The following PDE8A variants were observed in gnomAD, a reference collection of about 807,000 sequenced individuals.
PDE8A encodes high affinity cAMP-specific and IBMX-insensitive 3',5'-cyclic phosphodiesterase 8A.
A neutral mutation model predicts 105.0 loss-of-function variants in PDE8A; 59 were observed. That is an observed-to-expected ratio of 0.56 (90% confidence interval 0.46 to 0.70). The LOEUF (loss-of-function observed/expected upper bound fraction) is 0.70, where lower values mean the gene tolerates loss of function less well. PDE8A is among the 30% of genes least tolerant of loss of function. The probability of loss-of-function intolerance (pLI) is 0.00; values close to 1 mark genes in which losing one functional copy is unlikely to be tolerated. For missense variants in PDE8A, 1,014 were observed against 1,045.9 expected (o/e 0.97, Z 0.42); for synonymous variants, 355 against 371.9 (o/e 0.95, Z 0.52).
intron 1 of PDE8A, among the ~76,000 whole-genome samples, chr15:85,040,155 AAAAG>A (rs1157133910): frequency 2.0e-5 from 3 of 152,146 alleles, no homozygotes; most frequent in East Asian, 1.9e-4. Context: ...AAAAAAAAGA[AAAAG>A]AAGCTGAGTG....
At chr15:85,113,595 G>A in intron 13 of PDE8A, 148 bp downstream of exon 13, 1 of 745,898 alleles carries the variant, frequency 1.3e-6, no homozygotes, top group Non-Finnish European at 2.4e-6. Flanking sequence ...GAAGAGAGAG[G>A]ATGTGTGACA....
intron 1 of PDE8A, among the ~76,000 whole-genome samples, chr15:85,011,116 C>T (rs2080232350): frequency 6.6e-6 from 1 of 152,066 alleles, no homozygotes; most frequent in African/African-American, 2.4e-5. Context: ...TCATAAATAT[C>T]CTCTATGTTG....
Position 85,013,909 on chromosome 15 carries a change from A to G in PDE8A, c.186+31561A>G, listed in dbSNP as rs1436318891. Among the ~76,000 whole-genome samples, 3 of 152,240 alleles carry G rather than the reference A, an allele frequency of 2.0e-5. No individual in the cohort carries two copies. In the East Asian group the frequency reaches 5.8e-4, roughly 29 times the overall value. On this transcript the variant is annotated intron_variant, in intron 1 of 21. Transcript: ENST00000394553. ...TTGAGGAAAGGCCCAATTCCTCTCC[A>G]TGTGTGTCAGCTTCACAGGGCTGCT...
intron 1 of PDE8A, among the ~76,000 whole-genome samples, chr15:85,026,864 G>T (rs1244763889): frequency 1.3e-5 from 2 of 152,164 alleles, no homozygotes; most frequent in Non-Finnish European, 2.9e-5. Context: ...AAAAGGCATT[G>T]TGAAACTTGT....
chr15:84,993,471 A>G (rs2079924490), intron 1 of PDE8A, among the ~76,000 whole-genome samples: 1 of 150,620 alleles, frequency 6.6e-6, no homozygotes, highest in Non-Finnish European at 1.5e-5. Context: ...AAAAAGAACA[A>G]GGATCACTTA....
intron 13 of PDE8A, 67 bp from the exon 14 acceptor site, chr15:85,113,806 T>C (rs1419762536): frequency 8.1e-7 from 1 of 1,233,228 alleles, no homozygotes; most frequent in Non-Finnish European, 1.2e-6. Context: ...AGACACGTAC[T>C]GCCATGCCTG....
intron 1 of PDE8A, among the ~76,000 whole-genome samples, chr15:85,029,227 T>C (rs1250614264): frequency 6.6e-6 from 1 of 152,180 alleles, no homozygotes; most frequent in Admixed American, 6.5e-5. Flanking sequence ...ATGTTAACCG[T>C]AGGTAGTAGG....
chr15:85,011,307 G>A (rs1194935843), intron 1 of PDE8A, among the ~76,000 whole-genome samples: 1 of 152,104 alleles, frequency 6.6e-6, no homozygotes, highest in Non-Finnish European at 1.5e-5. Flanking sequence ...TTTTTGTAGG[G>A]TTTTTTTCTT....
rs191016573 is a variant in PDE8A at position 85,036,120 on chromosome 15, T to C, written c.187-28250T>C. Among the ~76,000 whole-genome samples, 8 of 152,262 alleles carry C rather than the reference T, an allele frequency of 5.3e-5. No individual in the cohort carries two copies. In the Middle Eastern group the frequency reaches 0.017, roughly 324 times the overall value. The stretch of plus-strand genomic sequence containing the variant: ...TCACCCTTGGCAATTTGATAGAAAA[T>C]GGGAAGACTTAACTGCCTTCCTCAT... On this transcript the variant is annotated intron_variant, in intron 1 of 21. Coordinates refer to ENST00000394553, the MANE Select transcript of PDE8A (RefSeq NM_002605.3).
chr15:85,131,147 C>A (rs1237893156), intron 20 of PDE8A, among the ~76,000 whole-genome samples: 4 of 152,178 alleles, frequency 2.6e-5, no homozygotes, highest in African/African-American at 9.7e-5. Flanking sequence ...ATATCTTTTT[C>A]CATCCTTTCA....
chr15:85,117,832 G>C lies in PDE8A; in HGVS notation c.1727G>C (p.Arg576Thr), dbSNP rs771862210. ...HATAYFLSKE[R>T]IKETLDPIDE... Reference sequence around the variant, plus strand: ...ACTGCCTATTTTCTCTCCAAGGAGAGGATAAAGGTGAGCTGTTGTTTACCT... The same window carrying C: ...ACTGCCTATTTTCTCTCCAAGGAGACGATAAAGGTGAGCTGTTGTTTACCT... The change falls in exon 17 of 22, where the codon AGG becomes ACG. Residue 576 changes from arginine (R) to threonine (T), a missense_variant. Transcript: ENST00000394553. The C allele has an allele frequency of 6.2e-7, 1 of 1,612,910 alleles. No homozygotes were observed. The highest frequency in any genetic ancestry group is 8.5e-7 in the Non-Finnish European group (1 of 1,179,058).
intron 1 of PDE8A, among the ~76,000 whole-genome samples, chr15:85,025,526 A>G (rs1381436521): frequency 6.6e-6 from 1 of 152,140 alleles, no homozygotes; most frequent in East Asian, 1.9e-4. Context: ...ATTACACTTA[A>G]ATTCTCTGGG....
chr15:85,061,016 A>ATTTTGT (rs999968366), intron 1 of PDE8A, among the ~76,000 whole-genome samples: 7 of 151,374 alleles, frequency 4.6e-5, no homozygotes, highest in Non-Finnish European at 7.4e-5. Flanking sequence ...GGTTTGTTTT[A>ATTTTGT]TTTTGTTTTT....
intron 1 of PDE8A, among the ~76,000 whole-genome samples, chr15:85,032,257 G>A (rs918470211): frequency 6.6e-6 from 1 of 152,196 alleles, no homozygotes; most frequent in Non-Finnish European, 1.5e-5. Context: ...ACCTCTAGAT[G>A]TAAAGGAGCA....
intron 11 of PDE8A, among the ~76,000 whole-genome samples, chr15:85,104,612 A>G (rs550676302): frequency 9.2e-5 from 14 of 152,276 alleles, no homozygotes; most frequent in Admixed American, 6.5e-4. Flanking sequence ...TGGGATAAAG[A>G]GAAGACTTCA....
chr15:85,004,587 C>T (rs954155146), intron 1 of PDE8A, among the ~76,000 whole-genome samples: 2 of 152,174 alleles, frequency 1.3e-5, no homozygotes, highest in Non-Finnish European at 2.9e-5. Flanking sequence ...TCCACTCTAT[C>T]GCCTAATACT....
At chr15:85,076,453 T>G (rs1567268311) in intron 4 of PDE8A, among the ~76,000 whole-genome samples, 1 of 151,834 alleles carries the variant, frequency 6.6e-6, no homozygotes, top group Non-Finnish European at 1.5e-5. Context: ...TAGTTTAAAT[T>G]AAAAATTTTA....
At chr15:85,007,015 A>G (rs375654258) in intron 1 of PDE8A, among the ~76,000 whole-genome samples, 1 of 152,186 alleles carries the variant, frequency 6.6e-6, no homozygotes, top group Non-Finnish European at 1.5e-5. Context: ...AAGCTGTGTG[A>G]TCTTCAGCAG....
At chr15:84,981,453 G>A (rs537582452), upstream of PDE8A, among the ~76,000 whole-genome samples, 1 of 152,126 alleles carries the variant, frequency 6.6e-6, no homozygotes, top group Non-Finnish European at 1.5e-5. Flanking sequence ...GCTTCTCGAC[G>A]GTGCGGCCCC....
Sources: allele counts gnomAD v4.1 joint callset (sites outside exome capture counted in the v4.1 genomes callset), GRCh38; gene constraint gnomAD v4.1.1; transcripts MANE v1.5; gene names NCBI Gene and HGNC (gene_info 2026-07-23, HGNC 2026-07-21).